Variants in TDRD12 observed in about 807,000 individuals in gnomAD.
TDRD12 encodes putative ATP-dependent RNA helicase TDRD12.
Under a neutral mutation model 133.5 loss-of-function variants are expected in TDRD12, and 158 were observed. The observed-to-expected ratio is 1.18, with a 90% CI of 1.04 to 1.35. TDRD12 has a LOEUF of 1.35. TDRD12 is among the 40% of genes most tolerant of loss of function. The pLI is 0.00. For synonymous variants in TDRD12, 460 were observed against 477.9 expected (o/e 0.96, Z 0.49); for missense variants, 1,443 against 1,321.3 (o/e 1.09, Z -1.43).
intron 3 of TDRD12, among the ~76,000 whole-genome samples, chr19:32,739,874 G>T (rs1969356099): frequency 7.1e-6 from 1 of 141,610 alleles, no homozygotes; most frequent in South Asian, 2.4e-4. Context: ...GCATCTCCTG[G>T]TGCGCTGTCT....
Position 32,811,551 on chromosome 19 carries a change from C to A in TDRD12, c.3048+131C>A, listed in dbSNP as rs183939538. The A allele has an allele frequency of 3.9e-3, 3,300 of 853,202 alleles. 21 individuals are homozygous for A. Among genetic ancestry groups the A allele is most frequent in the Non-Finnish European group, 5.1e-3 (2,745 of 541,166 alleles). The allele number at this position is 853,202 out of a possible 1,614,324, so 52.9% of individuals were successfully genotyped here. On this transcript the variant is annotated intron_variant, in intron 24 of 27. Transcript: ENST00000444215. The stretch of plus-strand genomic sequence containing the variant: ...AGGGAAAGTGCAGTCTGCTTAGATC[C>A]CCACGGTGTGTGAACGTCCCAGCTG...
intron 1 of TDRD12, among the ~76,000 whole-genome samples, 182 bp downstream of exon 1, chr19:32,720,278 C>T (rs1968589700): frequency 1.0e-5 from 1 of 95,732 alleles, no homozygotes; most frequent in East Asian, 3.6e-4. Flanking sequence ...CCCATCCCAG[C>T]CTCCACATCC....
downstream of TDRD12, among the ~76,000 whole-genome samples, chr19:32,822,798 T>G (rs28439934): frequency 0.59 from 89,036 of 151,160 alleles, 27,070 homozygotes; most frequent in East Asian, 0.83. Flanking sequence ...GGAAGGAGAA[T>G]TCAGTGAGGG....
exon 25 of TDRD12, chr19:32,813,746 T>C: frequency 1.3e-6 from 2 of 1,534,996 alleles, no homozygotes; most frequent in Non-Finnish European, 1.7e-6. Context: ...TGATCCTGGC[T>C]TTGGGAAATA....
downstream of TDRD12, chr19:32,821,369 A>T (rs905554942): frequency 4.3e-5 from 15 of 351,434 alleles, no homozygotes; most frequent in South Asian, 7.5e-5. Context: ...AGCTCAGCAG[A>T]GTGTGTGTGT....
At chr19:32,748,574 C>T in intron 5 of TDRD12, 43 bp downstream of exon 5, 3 of 1,523,574 alleles carry the variant, frequency 2.0e-6, no homozygotes, top group Non-Finnish European at 2.7e-6. Flanking sequence ...GGAAGTGACA[C>T]CCACAGAGGC....
At chr19:32,782,865 T>C (rs1359715559) in intron 11 of TDRD12, among the ~76,000 whole-genome samples, 1 of 152,260 alleles carries the variant, frequency 6.6e-6, no homozygotes, top group Non-Finnish European at 1.5e-5. Context: ...TTTTGGATAT[T>C]AGCCCTTTGC....
intron 24 of TDRD12, among the ~76,000 whole-genome samples, chr19:32,813,441 C>A (rs1413650443): frequency 6.6e-6 from 1 of 152,168 alleles, no homozygotes; most frequent in African/African-American, 2.4e-5. Flanking sequence ...AAGGCACAGA[C>A]CCCCGCCTTG....
Position 32,731,936 on chromosome 19 carries a change from A to G in TDRD12, c.183+53A>G. Reference sequence around the variant, plus strand: ...TGTGTATTGAAACACCACTCAAAATATAAACTATTTTGGCAACGATGATGA... The same window carrying G: ...TGTGTATTGAAACACCACTCAAAATGTAAACTATTTTGGCAACGATGATGA... On this transcript the variant is annotated intron_variant, in intron 2 of 27. Coordinates refer to ENST00000444215, the Ensembl canonical transcript of TDRD12. The G allele has an allele frequency of 4.1e-6, 6 of 1,455,554 alleles. No homozygotes were observed. In the South Asian group the frequency reaches 8.4e-5, roughly 20 times the overall value. The allele number at this position is 1,455,554 out of a possible 1,614,324, so 90.2% of individuals were successfully genotyped here. A position where few individuals can be genotyped will look rare whatever the true frequency, so the allele number is the denominator to read the frequency against.
intron 11 of TDRD12, among the ~76,000 whole-genome samples, chr19:32,781,514 G>C (rs1970765115): frequency 6.6e-6 from 1 of 152,088 alleles, no homozygotes; most frequent in Non-Finnish European, 1.5e-5. Context: ...TTCTAGGAAG[G>C]GAGACACAAA....
At chr19:32,767,279 C>G (rs1970327098) in intron 8 of TDRD12, among the ~76,000 whole-genome samples, 1 of 151,746 alleles carries the variant, frequency 6.6e-6, no homozygotes, top group African/African-American at 2.4e-5. Context: ...CAGGTGTGCA[C>G]CACTATGCCC....
Position 32,738,995 on chromosome 19 carries a change from A to G in TDRD12, c.320+3A>G. The G allele has an allele frequency of 2.6e-6, 4 of 1,550,280 alleles. No homozygotes were observed. Among genetic ancestry groups the G allele is most frequent in the Non-Finnish European group, 3.5e-6 (4 of 1,146,912 alleles). ...AACATTCCAGTCAAATCTAAAAAGT[A>G]TGTACATGTTTATCTCACCTTACGC... On this transcript the variant is annotated splice_donor_region_variant and intron_variant, in intron 3 of 27. Transcript: ENST00000444215.
chr19:32,722,671 TA>T (rs767093430), intron 1 of TDRD12, among the ~76,000 whole-genome samples: 1,991 of 126,450 alleles, frequency 0.016, 43 homozygotes, highest in East Asian at 0.14. Flanking sequence ...TTTTATTATT[TA>T]AAAAAAATTT....
At chr19:32,821,222 A>T in exon 28 of TDRD12, 1 of 1,142,330 alleles carries the variant, frequency 8.8e-7, no homozygotes, top group Admixed American at 2.2e-5. Context: ...TTCTACTTTG[A>T]GATGAAATGT....
At chr19:32,753,670 ATTTTTTTT>A (rs61178379) in intron 6 of TDRD12, among the ~76,000 whole-genome samples, 4 of 130,482 alleles carry the variant, frequency 3.1e-5, no homozygotes, top group African/African-American at 1.2e-4. Context: ...CACCTGGCTA[ATTTTTTTT>A]TTTTTTTTTT....
intron 18 of TDRD12, 125 bp from the exon 19 acceptor site, chr19:32,801,631 G>A: frequency 2.6e-6 from 1 of 389,064 alleles, no homozygotes; most frequent in Non-Finnish European, 4.6e-6. Flanking sequence ...TAAGAATTAT[G>A]GGATCAGTGA....
chr19:32,728,512 G>A (rs114863730), intron 1 of TDRD12, among the ~76,000 whole-genome samples: 198 of 151,960 alleles, frequency 1.3e-3, no homozygotes, highest in African/African-American at 4.4e-3. Context: ...AGACAATTGT[G>A]TTCTTTATGA....
At chr19:32,810,060 G>A (rs1231867660) in intron 22 of TDRD12, 33 bp from the exon 23 acceptor site, 2 of 1,386,388 alleles carry the variant, frequency 1.4e-6, no homozygotes, top group Non-Finnish European at 1.9e-6. Context: ...GACTAAGTTT[G>A]TTTCTTGGTC....
intron 14 of TDRD12, among the ~76,000 whole-genome samples, chr19:32,797,409 A>G (rs1488834416): frequency 1.3e-5 from 2 of 152,188 alleles, no homozygotes; most frequent in South Asian, 4.1e-4. Flanking sequence ...TTAGCTGTGC[A>G]GCCTTGGGTA....
Sources: allele counts gnomAD v4.1 joint callset (sites outside exome capture counted in the v4.1 genomes callset), GRCh38; gene constraint gnomAD v4.1.1; transcripts MANE v1.5; gene names NCBI Gene and HGNC (gene_info 2026-07-23, HGNC 2026-07-21).